The following UTP20 variants were observed in gnomAD, a reference collection of about 807,000 sequenced individuals.
UTP20 encodes UTP20 small subunit processome component, also known as small subunit processome component 20 homolog.
A neutral mutation model predicts 329.5 loss-of-function variants in UTP20; 164 were observed. The ratio of observed to expected loss-of-function variants is 0.50; its 90% CI spans 0.44 to 0.57. The LOEUF (loss-of-function observed/expected upper bound fraction) is 0.57. Among genes scored for constraint, UTP20 ranks in the 20% least tolerant of loss-of-function variants. The pLI, the probability that UTP20 is intolerant of heterozygous loss-of-function variation, is 0.00. For synonymous variants in UTP20, 1,151 were observed against 1,159.3 expected (o/e 0.99, Z 0.14); for missense variants, 3,055 against 3,284.2 (o/e 0.93, Z 1.71).
chr12:101,382,950 T>C, intron 58 of UTP20, 91 bp from the exon 59 acceptor site: 7 of 1,462,724 alleles, frequency 4.8e-6, no homozygotes, highest in Non-Finnish European at 6.4e-6. Flanking sequence ...TTTCTAATTG[T>C]AGAATACCTA....
At chr12:101,329,040 ACCT>A (rs1868664077) in intron 26 of UTP20, among the ~76,000 whole-genome samples, 198 bp from the exon 27 acceptor site, 1 of 152,090 alleles carries the variant, frequency 6.6e-6, no homozygotes, top group Non-Finnish European at 1.5e-5. Flanking sequence ...GGGTAGTTAA[ACCT>A]GTCTTATGTA....
chr12:101,370,309 A>T, intron 49 of UTP20, 123 bp from the exon 50 acceptor site: 7 of 1,212,146 alleles, frequency 5.8e-6, no homozygotes, highest in Non-Finnish European at 7.9e-6. Flanking sequence ...TAATTTGCCA[A>T]GGCTAGAGGG....
chr12:101,333,277 G>T (rs1593436900), intron 27 of UTP20, 24 bp from the exon 28 acceptor site: 1 of 1,605,386 alleles, frequency 6.2e-7, no homozygotes, highest in South Asian at 1.1e-5. Flanking sequence ...TGTATTTTTT[G>T]AACAGAAGAT....
chr12:101,312,719 C>T (rs1235404061), intron 21 of UTP20, among the ~76,000 whole-genome samples: 7 of 152,214 alleles, frequency 4.6e-5, no homozygotes, highest in African/African-American at 1.2e-4. Flanking sequence ...GGATTACAGG[C>T]GTGAGCCACC....
At chr12:101,280,710 G>A (rs1421532659) in intron 1 of UTP20, among the ~76,000 whole-genome samples, 1 of 152,160 alleles carries the variant, frequency 6.6e-6, no homozygotes, top group Admixed American at 6.5e-5. Flanking sequence ...TTCTCTGTTT[G>A]CCCCTTGATA....
Position 101,383,115 on chromosome 12 carries a change from G to A in UTP20, c.7731G>A (p.Lys2577=). 6.2e-7 allele frequency: 1 copy of A among 1,613,858 alleles called. No homozygotes were observed. The highest frequency in any genetic ancestry group is 8.5e-7 in the Non-Finnish European group (1 of 1,179,884). ...LELYCEDKQS[K]IKEDLEEQEA... is the part of the protein sequence containing the mutation. ...TTTATTGTGAGGATAAGCAAAGTAAGATAAAAGAAGACCTGGAAGAACAAG... is the reference window on the plus strand; with the variant it reads ...TTTATTGTGAGGATAAGCAAAGTAAAATAAAAGAAGACCTGGAAGAACAAG... The change falls in exon 59 of 62, where the codon AAG becomes AAA. Residue 2577 remains lysine, a synonymous_variant. Transcript: ENST00000261637.
At chr12:101,349,266 A>G (rs1005466901) in intron 38 of UTP20, among the ~76,000 whole-genome samples, 3 of 151,936 alleles carry the variant, frequency 2.0e-5, no homozygotes, top group African/African-American at 7.2e-5. Context: ...GCTTTTAAAA[A>G]TGCATCTCTT....
intron 50 of UTP20, 102 bp from the exon 51 acceptor site, chr12:101,370,956 T>G: frequency 1.1e-6 from 1 of 944,458 alleles, no homozygotes; most frequent in Non-Finnish European, 1.6e-6. Context: ...GATACTTTCT[T>G]GTGTTTGAAA....
At position 101,342,958 on chromosome 12, in the gene UTP20, A is replaced by G. The variant is rs1869191518; in HGVS notation, c.4314A>G (p.Gln1438=). ...TCTTATAGCTTAACGCCTTCGATCA[A>G]AGACATCTTGATGATATCAACTTCG... ...TDVVKLNAFD[Q]RHLDDINFDV... The change falls in exon 35 of 62, where the codon CAA becomes CAG. Residue 1438 remains glutamine, a synonymous_variant. Coordinates refer to ENST00000261637, the MANE Select transcript of UTP20 (RefSeq NM_014503.3). 1 of 1,613,392 alleles carries G rather than the reference A, an allele frequency of 6.2e-7. No individual in the cohort carries two copies. The highest frequency in any genetic ancestry group is 8.5e-7 in the Non-Finnish European group (1 of 1,179,906).
intron 23 of UTP20, among the ~76,000 whole-genome samples, 169 bp from the exon 24 acceptor site, chr12:101,320,683 C>G (rs548263972): frequency 2.4e-4 from 36 of 152,256 alleles, no homozygotes; most frequent in African/African-American, 8.2e-4. Flanking sequence ...TTCTGTTCAT[C>G]TTTTTTTACT....
chr12:101,381,063 G>A, intron 57 of UTP20, 77 bp from the exon 58 acceptor site: 1 of 1,241,004 alleles, frequency 8.1e-7, no homozygotes, highest in Non-Finnish European at 1.2e-6. Flanking sequence ...TTGTATTACA[G>A]TTATTATGTT....
At chr12:101,299,186 C>T (rs763330268) in intron 12 of UTP20, among the ~76,000 whole-genome samples, 2 of 152,030 alleles carry the variant, frequency 1.3e-5, no homozygotes, top group Admixed American at 1.3e-4. Context: ...AATGTCATGT[C>T]GAAAAATGTC....
chr12:101,301,402 T>C (rs1872519400), intron 14 of UTP20, among the ~76,000 whole-genome samples: 1 of 152,124 alleles, frequency 6.6e-6, no homozygotes, highest in African/African-American at 2.4e-5. Context: ...GTGTGGTGGC[T>C]CATGCCGGTA....
intron 47 of UTP20, 122 bp downstream of exon 47, chr12:101,366,821 A>ATTT: frequency 1.9e-6 from 2 of 1,060,112 alleles, no homozygotes; most frequent in Non-Finnish European, 2.6e-6. Flanking sequence ...TACATTTTAG[A>ATTT]TTTTTTTTTT....
chr12:101,346,425 T>G, intron 37 of UTP20, 26 bp from the exon 38 acceptor site: 1 of 1,562,172 alleles, frequency 6.4e-7, no homozygotes, highest in Non-Finnish European at 8.6e-7. Flanking sequence ...ATTCGGTAAC[T>G]AATTCATATT....
chr12:101,298,318 A>G (rs1215226711), intron 12 of UTP20, among the ~76,000 whole-genome samples: 1 of 152,154 alleles, frequency 6.6e-6, no homozygotes, highest in African/African-American at 2.4e-5. Context: ...AGGGAGACTG[A>G]ATGGAGAGGG....
chr12:101,309,412 A>G (rs1476115860), intron 18 of UTP20, among the ~76,000 whole-genome samples: 3 of 152,202 alleles, frequency 2.0e-5, no homozygotes, highest in Admixed American at 6.5e-5. Flanking sequence ...GCATGTGTGC[A>G]TTTCTGACTG....
rs755749559 is a variant in UTP20, at chr12:101,362,659, G to A, written c.5790+599G>A. ...GTGGAGGTTGCAGTGAGCGCAGACC[G>A]CGCCACTGCACTTCAGCCTGGGCGA... On this transcript the variant is annotated intron_variant, in intron 44 of 61. Coordinates refer to ENST00000261637, the MANE Select transcript of UTP20 (RefSeq NM_014503.3). Among the ~76,000 whole-genome samples, 2 of 133,012 alleles carry A rather than the reference G, an allele frequency of 1.5e-5. 1 individual carries two copies. The allele number at this position is 133,012 out of a possible 152,430, so 87.3% of individuals were successfully genotyped here. A position where few individuals can be genotyped will look rare whatever the true frequency, so the allele number is the denominator to read the frequency against.
intron 57 of UTP20, 74 bp downstream of exon 57, chr12:101,379,632 G>C (rs1342988360): frequency 6.7e-7 from 1 of 1,483,866 alleles, no homozygotes; most frequent in Non-Finnish European, 9.1e-7. Flanking sequence ...AACTATCTTC[G>C]GGCCAGCCCT....
Sources: gnomAD v4.1 joint callset for allele counts (sites outside exome capture counted in the v4.1 genomes callset) on GRCh38, gnomAD v4.1.1 for gene constraint, MANE v1.5 for transcripts, NCBI Gene and HGNC (gene_info 2026-07-23, HGNC 2026-07-21) for gene names.